Variants in URGCP observed in about 807,000 individuals in gnomAD.
URGCP encodes the protein up-regulator of cell proliferation.
Under a neutral mutation model 24.6 loss-of-function variants are expected in URGCP, and 13 were observed. That is an observed-to-expected ratio of 0.53 (90% confidence interval 0.34 to 0.84). The LOEUF (loss-of-function observed/expected upper bound fraction) is 0.84, where lower values mean the gene tolerates loss of function less well. Ranked by LOEUF, URGCP falls within the 40% of genes least tolerant of loss-of-function variation. URGCP has a pLI of 0.01. For missense variants in URGCP, 899 were observed against 1,194.3 expected (o/e 0.75, Z 3.64); for synonymous variants, 444 against 487.2 (o/e 0.91, Z 1.17).
chr7:43,923,317 T>G (rs974013877), intron 1 of URGCP, among the ~76,000 whole-genome samples: 1 of 150,838 alleles, frequency 6.6e-6, no homozygotes, highest in Non-Finnish European at 1.5e-5. Context: ...GACAGGGTCT[T>G]GCTCTGTCTC....
intron 3 of URGCP, among the ~76,000 whole-genome samples, chr7:43,885,509 A>G (rs2095860788): frequency 3.6e-5 from 5 of 137,994 alleles, no homozygotes; most frequent in Admixed American, 2.2e-4. Context: ...TAACTCATGA[A>G]GAACAACTAT....
Position 43,877,693 on chromosome 7 carries a change from G to A in URGCP, c.1770C>T (p.Leu590=), listed in dbSNP as rs1171520980. 1 of 1,613,710 alleles carries A rather than the reference G, an allele frequency of 6.2e-7. No homozygotes were observed. Among genetic ancestry groups the A allele is most frequent in the Admixed American group, 1.7e-5 (1 of 59,988 alleles). ...PRLRQPPETL[L]TLRPKHGGTT... is the part of the protein sequence containing the mutation. ...TGCCCCCATGCTTTGGTCTCAGGGT[G>A]AGAAGCGTCTCCGGAGGCTGTCTCA... Residue 590 remains leucine, a synonymous_variant, in exon 6 of 6, where the codon CTC becomes CTT. Transcript: ENST00000453200.
At chr7:43,880,273 TA>T (rs1049070168) in intron 5 of URGCP, among the ~76,000 whole-genome samples, 3 of 152,334 alleles carry the variant, frequency 2.0e-5, no homozygotes, top group Admixed American at 2.0e-4. Flanking sequence ...TGCAGACTGT[TA>T]GTAAGTGAGC....
At position 43,876,372 on chromosome 7, in the gene URGCP, T is replaced by A; in HGVS notation, c.*295A>T. On this transcript the variant is annotated 3_prime_UTR_variant, in exon 6 of 6. Transcript: ENST00000453200. ...AGGGGCCAGTGACAGAGAGCAGCTA[T>A]ACAGAGGGCCCACCCCGCAGGATCC... is the stretch of plus-strand genomic sequence containing the variant. 1 of 400,652 alleles carries A rather than the reference T, an allele frequency of 2.5e-6. No homozygotes were observed. The highest frequency in any genetic ancestry group is 2.9e-5 in the South Asian group (1 of 35,006). The allele number at this position is 400,652 out of a possible 1,614,324, so 24.8% of individuals were successfully genotyped here. A position where few individuals can be genotyped will look rare whatever the true frequency, so the allele number is the denominator to read the frequency against.
intron 1 of URGCP, among the ~76,000 whole-genome samples, chr7:43,892,550 T>A (rs1208474833): frequency 2.0e-5 from 3 of 152,214 alleles, no homozygotes; most frequent in Non-Finnish European, 2.9e-5. Context: ...TTCTCCCCTC[T>A]GGGTCTCTTC....
chr7:43,914,812 G>T (rs1043289956), intron 1 of URGCP, among the ~76,000 whole-genome samples: 5 of 152,078 alleles, frequency 3.3e-5, no homozygotes, highest in Non-Finnish European at 5.9e-5. Context: ...TTCTTTGTAG[G>T]TTTTCTATCT....
At chr7:43,899,401 G>A (rs1320332044) in intron 1 of URGCP, among the ~76,000 whole-genome samples, 3 of 150,724 alleles carry the variant, frequency 2.0e-5, no homozygotes, top group Admixed American at 2.0e-4. Flanking sequence ...TTATAAGCAT[G>A]AGCTACCATG....
chr7:43,880,819 G>A (rs958789631), intron 5 of URGCP, among the ~76,000 whole-genome samples: 1 of 152,226 alleles, frequency 6.6e-6, no homozygotes, highest in Non-Finnish European at 1.5e-5. Context: ...GAAGCAACGT[G>A]TATGATACTG....
At chr7:43,896,858 C>T (rs1330153769) in intron 1 of URGCP, among the ~76,000 whole-genome samples, 1 of 152,156 alleles carries the variant, frequency 6.6e-6, no homozygotes, top group Admixed American at 6.5e-5. Flanking sequence ...GATTTATCTA[C>T]ATATTTATTG....
At chr7:43,889,681 C>G (rs1478912399) in intron 1 of URGCP, 1 of 152,236 alleles carries the variant, frequency 6.6e-6, no homozygotes, top group Non-Finnish European at 1.5e-5. Flanking sequence ...ACTCCCATTG[C>G]TCTAGCCCAT....
upstream of URGCP, among the ~76,000 whole-genome samples, chr7:43,909,219 T>C (rs1297242109): frequency 6.6e-6 from 1 of 152,142 alleles, no homozygotes; most frequent in Non-Finnish European, 1.5e-5. Context: ...AACACACTAA[T>C]ATACATATAC....
Position 43,922,894 on chromosome 7 carries a change from C to CTCTT in URGCP, c.-116+3234_-116+3237dup, listed in dbSNP as rs576826513. Among the ~76,000 whole-genome samples the CTCTT allele has an allele frequency of 4.3e-3, 656 of 151,154 alleles. 2 individuals carry two copies. Among genetic ancestry groups the CTCTT allele is most frequent in the Middle Eastern group, 0.01 (3 of 294 alleles). ...CCACACCAGGCATTTTTTTTTCTTTCTCTTTCTTTCTTTCTTTCTCTTTCT... is the reference window on the plus strand; with the variant it reads ...CCACACCAGGCATTTTTTTTTCTTTCTCTTTCTTTCTTTCTTTCTTTCTCTTTCT... On this transcript the variant is annotated intron_variant, in intron 1 of 5. Transcript: ENST00000426198.
chr7:43,908,645 GATA>G (rs1457138589), upstream of URGCP, among the ~76,000 whole-genome samples: 6 of 152,156 alleles, frequency 3.9e-5, no homozygotes, highest in Non-Finnish European at 8.8e-5. Context: ...CCTTTCATAG[GATA>G]GCGTACAAGT....
intron 2 of URGCP, 82 bp downstream of exon 2, chr7:43,887,708 T>G: frequency 6.6e-7 from 1 of 1,523,216 alleles, no homozygotes; most frequent in South Asian, 1.3e-5. Flanking sequence ...TGAGAAACAC[T>G]GGTCTAGAAA....
intron 1 of URGCP, among the ~76,000 whole-genome samples, chr7:43,920,569 A>G (rs2132731858): frequency 6.6e-6 from 1 of 152,328 alleles, no homozygotes; most frequent in Non-Finnish European, 1.5e-5. Context: ...TCTCAAAAAC[A>G]ACAAAAAAAG....
chr7:43,904,240 G>C (rs1475515993), intron 1 of URGCP, among the ~76,000 whole-genome samples: 1 of 152,216 alleles, frequency 6.6e-6, no homozygotes, highest in African/African-American at 2.4e-5. Flanking sequence ...GGGCCATGGG[G>C]CATTTCTCAA....
Position 43,906,592 on chromosome 7 carries a change from C to G in URGCP, c.-17G>C, listed in dbSNP as rs2095903566. On this transcript the variant is annotated 5_prime_UTR_variant, in exon 1 of 6. Coordinates refer to ENST00000453200, the MANE Select transcript of URGCP (RefSeq NM_001077663.3). Reference sequence around the variant, plus strand: ...CGACGCCATGAGCGCAGCGAGGTCTCCGCTCCCGCCTCCTTCGCTTCCTCC... The same window carrying G: ...CGACGCCATGAGCGCAGCGAGGTCTGCGCTCCCGCCTCCTTCGCTTCCTCC... 2 of 1,226,986 alleles carry G rather than the reference C, an allele frequency of 1.6e-6. No individual in the cohort carries two copies. Among genetic ancestry groups the G allele is most frequent in the African/African-American group, 3.2e-5 (2 of 63,140 alleles). 76.0% of individuals were successfully genotyped at this position (1,226,986 alleles called of 1,614,324 possible). A position where few individuals can be genotyped will look rare whatever the true frequency, so the allele number is the denominator to read the frequency against.
chr7:43,919,644 T>G (rs557285977), intron 1 of URGCP: 15 of 1,375,332 alleles, frequency 1.1e-5, no homozygotes, highest in Middle Eastern at 3.6e-4. Flanking sequence ...GACCAACCAC[T>G]CCTACATCAC....
intron 1 of URGCP, among the ~76,000 whole-genome samples, chr7:43,891,405 G>A (rs554958499): frequency 6.6e-5 from 10 of 152,254 alleles, no homozygotes; most frequent in Non-Finnish European, 8.8e-5. Context: ...AGTCAGGCTG[G>A]TGGGACCAAG....
Sources: allele counts gnomAD v4.1 joint callset (sites outside exome capture counted in the v4.1 genomes callset), GRCh38; gene constraint gnomAD v4.1.1; transcripts MANE v1.5; gene names NCBI Gene and HGNC (gene_info 2026-07-23, HGNC 2026-07-21).